The following CCDC146 variants were observed in gnomAD, a reference collection of about 807,000 sequenced individuals.
The protein encoded by CCDC146 is coiled-coil domain-containing protein 146.
In CCDC146, 92 loss-of-function variants were observed where a neutral mutation model predicts 119.3. That is an observed-to-expected ratio of 0.77 (90% CI 0.65 to 0.92). The LOEUF is 0.92. Ranked by LOEUF, CCDC146 falls within the 40% of genes least tolerant of loss-of-function variation. The pLI is 0.00. For synonymous variants in CCDC146, 372 were observed against 371.8 expected (o/e 1.00, Z -0.01); for missense variants, 1,000 against 1,103.0 (o/e 0.91, Z 1.32).
chr7:77,154,261 C>G (rs1382199023), intron 1 of CCDC146, among the ~76,000 whole-genome samples: 1 of 151,610 alleles, frequency 6.6e-6, no homozygotes, highest in Non-Finnish European at 1.5e-5. Flanking sequence ...TCAAAACTCA[C>G]AAAACTGAAT....
intron 1 of CCDC146, among the ~76,000 whole-genome samples, chr7:77,124,238 CT>C (rs1219430077): frequency 5.9e-5 from 9 of 152,046 alleles, no homozygotes; most frequent in African/African-American, 2.2e-4. Flanking sequence ...ATAGAATTGA[CT>C]GAAAATTTAC....
chr7:77,255,645 G>A (rs1354972368), intron 5 of CCDC146, among the ~76,000 whole-genome samples: 1 of 152,096 alleles, frequency 6.6e-6, no homozygotes, highest in Non-Finnish European at 1.5e-5. Flanking sequence ...GAAAGCCCAG[G>A]GCAGGCTAAA....
chr7:77,276,090 C>T (rs2150537344), intron 11 of CCDC146, among the ~76,000 whole-genome samples: 1 of 151,560 alleles, frequency 6.6e-6, no homozygotes, highest in Admixed American at 6.6e-5. Context: ...CCTGTAATCC[C>T]AGCTACTTGG....
At chr7:77,158,343 G>C (rs1312710309) in intron 1 of CCDC146, among the ~76,000 whole-genome samples, 3 of 151,936 alleles carry the variant, frequency 2.0e-5, no homozygotes, top group Admixed American at 2.0e-4. Context: ...TTCTTCCTAT[G>C]CCAGGAATTT....
chr7:77,222,675 G>A (rs6962229), intron 2 of CCDC146, among the ~76,000 whole-genome samples: 2,975 of 152,312 alleles, frequency 0.02, 96 homozygotes, highest in East Asian at 0.14. Context: ...GATCAACAAA[G>A]TGAGGTAACA....
At chr7:77,206,713 A>G (rs17840502) in intron 2 of CCDC146, among the ~76,000 whole-genome samples, 15,682 of 150,882 alleles carry the variant, frequency 0.1, 1,100 homozygotes, top group Non-Finnish European at 0.16. Context: ...ACATGAATTT[A>G]TATAATATAT....
chr7:77,155,249 A>G (rs1339031955), intron 1 of CCDC146, among the ~76,000 whole-genome samples: 1 of 152,206 alleles, frequency 6.6e-6, no homozygotes, highest in African/African-American at 2.4e-5. Context: ...GTTTGTAACT[A>G]TAGCAACAAG....
intron 1 of CCDC146, among the ~76,000 whole-genome samples, chr7:77,149,980 C>A (rs995058272): frequency 1.1e-4 from 16 of 150,122 alleles, no homozygotes; most frequent in African/African-American, 3.5e-4. Flanking sequence ...CAACAAATGG[C>A]GGGAATAATT....
intron 1 of CCDC146, among the ~76,000 whole-genome samples, chr7:77,139,882 C>CCTTT (rs1416424835): frequency 7.3e-6 from 1 of 136,206 alleles, no homozygotes; most frequent in South Asian, 2.3e-4. Flanking sequence ...TTCCTTCCTT[C>CCTTT]CTTTCTTTCT....
chr7:77,201,328 G>A (rs529735330), intron 2 of CCDC146, among the ~76,000 whole-genome samples: 2 of 150,880 alleles, frequency 1.3e-5, no homozygotes, highest in East Asian at 3.9e-4. Context: ...GATCACCTGA[G>A]ATCAGGAGTT....
chr7:77,276,286 C>G (rs1163359409), intron 11 of CCDC146, among the ~76,000 whole-genome samples: 2 of 151,640 alleles, frequency 1.3e-5, no homozygotes, highest in Non-Finnish European at 2.9e-5. Context: ...CCCTTGTTCT[C>G]AGTCTAAGTA....
In CCDC146 at chr7:77,137,177, C is replaced by A. The variant is rs1210317020; in HGVS notation, c.-12+14445C>A. Among the ~76,000 whole-genome samples the A allele has an allele frequency of 4.6e-5, 7 of 151,632 alleles. No individual in the cohort carries two copies. The East Asian group carries it at 9.7e-4, about 21-fold the overall frequency. On this transcript the variant is annotated intron_variant, in intron 1 of 18. Coordinates refer to ENST00000285871, the MANE Select transcript of CCDC146 (RefSeq NM_020879.3). ...ATACTTAAAGGTGAGAAACTAGAAGCTTTTCCACTAAGATCAAGAACAAGG... is the reference window on the plus strand; with the variant it reads ...ATACTTAAAGGTGAGAAACTAGAAGATTTTCCACTAAGATCAAGAACAAGG...
chr7:77,290,368 A>G (rs2150557300), intron 17 of CCDC146, among the ~76,000 whole-genome samples: 1 of 152,302 alleles, frequency 6.6e-6, no homozygotes, highest in Admixed American at 6.5e-5. Flanking sequence ...CTAGAACTTA[A>G]AGTATAATTT....
chr7:77,235,827 T>C (rs899884328), intron 2 of CCDC146, among the ~76,000 whole-genome samples: 6 of 152,128 alleles, frequency 3.9e-5, no homozygotes, highest in African/African-American at 1.4e-4. Flanking sequence ...TTCAGCACTT[T>C]GCGAGGCCAA....
At chr7:77,236,423 T>C (rs572332487) in intron 2 of CCDC146, among the ~76,000 whole-genome samples, 1 of 152,322 alleles carries the variant, frequency 6.6e-6, no homozygotes, top group South Asian at 2.1e-4. Flanking sequence ...GCTGAACCAC[T>C]TGGGTTTAAA....
rs555091173 is a variant in CCDC146, at chr7:77,256,288, G to A, written c.508-45G>A. On this transcript the variant is annotated intron_variant, in intron 5 of 18. Transcript: ENST00000285871. ...TAGTTCAGTTTTTAGGTAGATAAAT[G>A]TTTGCTCAGACTATATAACCTAATC... 16 of 1,411,836 alleles carry A rather than the reference G, an allele frequency of 1.1e-5. No homozygotes were observed. The African/African-American group carries it at 2.0e-4, about 18-fold the overall frequency. 87.5% of individuals were successfully genotyped at this position (1,411,836 alleles called of 1,614,324 possible).
intron 2 of CCDC146, among the ~76,000 whole-genome samples, chr7:77,189,131 T>A (rs2150422401): frequency 6.6e-6 from 1 of 152,226 alleles, no homozygotes; most frequent in African/African-American, 2.4e-5. Flanking sequence ...CACTTGGATA[T>A]CTTTGAACTT....
chr7:77,215,420 C>G (rs1792285621), intron 2 of CCDC146, among the ~76,000 whole-genome samples: 1 of 151,916 alleles, frequency 6.6e-6, no homozygotes, highest in Admixed American at 6.6e-5. Flanking sequence ...ATGCTCAAAA[C>G]TTGGAATCAG....
At chr7:77,216,963 CT>C (rs11421026) in intron 2 of CCDC146, among the ~76,000 whole-genome samples, 21,465 of 151,794 alleles carry the variant, frequency 0.14, 1,932 homozygotes, top group African/African-American at 0.25. Context: ...ATCTTTTTAA[CT>C]TTTTTTTGTT....
Sources: allele counts gnomAD v4.1 joint callset (sites outside exome capture counted in the v4.1 genomes callset), GRCh38; gene constraint gnomAD v4.1.1; transcripts MANE v1.5; gene names NCBI Gene and HGNC (gene_info 2026-07-23, HGNC 2026-07-21).